CACNA2D3: variants seen among roughly 807,000 people sequenced by gnomAD.
CACNA2D3 encodes the protein voltage-dependent calcium channel subunit alpha-2/delta-3.
CACNA2D3 carries 60 observed loss-of-function variants against 160.6 expected under a neutral mutation model. The ratio of observed to expected loss-of-function variants is 0.37; its 90% CI spans 0.30 to 0.46. The LOEUF (loss-of-function observed/expected upper bound fraction) is 0.46. Ranked by LOEUF, CACNA2D3 falls within the 20% of genes least tolerant of loss-of-function variation. CACNA2D3 has a pLI of 1.00. For missense variants in CACNA2D3, 1,205 were observed against 1,365.0 expected (o/e 0.88, Z 1.85); for synonymous variants, 558 against 492.9 (o/e 1.13, Z -1.75).
intron 2 of CACNA2D3, among the ~76,000 whole-genome samples, chr3:54,234,410 G>GCTC (rs1701836159): frequency 6.6e-6 from 1 of 152,198 alleles, no homozygotes; most frequent in African/African-American, 2.4e-5. Context: ...CTGTCGATGG[G>GCTC]AGTGTAAATT....
chr3:54,302,206 T>C (rs1703492502), intron 2 of CACNA2D3, among the ~76,000 whole-genome samples: 1 of 152,200 alleles, frequency 6.6e-6, no homozygotes, highest in Non-Finnish European at 1.5e-5. Context: ...AGTCAAGGCT[T>C]CTTGCCTTAC....
intron 11 of CACNA2D3, among the ~76,000 whole-genome samples, chr3:54,676,889 A>G (rs868589772): frequency 6.6e-6 from 1 of 152,196 alleles, no homozygotes; most frequent in Admixed American, 6.5e-5. Flanking sequence ...AAAACAACTG[A>G]GGTAAAATAA....
In CACNA2D3 at chr3:54,285,710, C is replaced by T. The variant is rs145358868; in HGVS notation, c.205-34732C>T. On this transcript the variant is annotated intron_variant, in intron 2 of 37. Coordinates refer to ENST00000474759, the MANE Select transcript of CACNA2D3 (RefSeq NM_018398.3). Reference sequence around the variant, plus strand: ...GGGGCAGACAGACACATCACACGGCCGGGAACTCCTCTGAGACAAAACTTC... The same window carrying T: ...GGGGCAGACAGACACATCACACGGCTGGGAACTCCTCTGAGACAAAACTTC... Among the ~76,000 whole-genome samples the T allele has an allele frequency of 2.2e-3, 328 of 152,288 alleles. 4 individuals carry two copies. The highest frequency in any genetic ancestry group is 7.3e-3 in the African/African-American group (302 of 41,566).
At chr3:55,035,649 C>T (rs959508199) in intron 35 of CACNA2D3, among the ~76,000 whole-genome samples, 1 of 152,064 alleles carries the variant, frequency 6.6e-6, no homozygotes, top group African/African-American at 2.4e-5. Flanking sequence ...GTCATTTCTC[C>T]GTTATAAAGG....
chr3:54,501,064 G>C (rs1390042813), intron 4 of CACNA2D3, among the ~76,000 whole-genome samples: 1 of 152,082 alleles, frequency 6.6e-6, no homozygotes, highest in African/African-American at 2.4e-5. Flanking sequence ...GTAGAAGATA[G>C]AATGGAAAAA....
chr3:54,551,488 C>T (rs1490006140), intron 5 of CACNA2D3, among the ~76,000 whole-genome samples: 1 of 151,982 alleles, frequency 6.6e-6, no homozygotes, highest in East Asian at 1.9e-4. Context: ...TAAGAGTTAA[C>T]GTAAAGGGAA....
At chr3:54,208,435 C>T (rs547328259) in intron 2 of CACNA2D3, among the ~76,000 whole-genome samples, 1 of 152,322 alleles carries the variant, frequency 6.6e-6, no homozygotes, top group African/African-American at 2.4e-5. Context: ...TGTGGGTTTG[C>T]TTCAGGTACC....
intron 13 of CACNA2D3, among the ~76,000 whole-genome samples, chr3:54,799,918 C>T (rs1310137541): frequency 2.0e-5 from 3 of 152,204 alleles, no homozygotes; most frequent in African/African-American, 7.2e-5. Flanking sequence ...CTGTCCCTTT[C>T]CTCCCCTAAC....
At chr3:54,976,649 A>G (rs1702398233) in intron 29 of CACNA2D3, among the ~76,000 whole-genome samples, 1 of 152,154 alleles carries the variant, frequency 6.6e-6, no homozygotes, top group Non-Finnish European at 1.5e-5. Context: ...TATTAGTGAC[A>G]GTCATGTTTT....
chr3:55,050,896 T>G (rs200958238), intron 35 of CACNA2D3, among the ~76,000 whole-genome samples: 2 of 126,144 alleles, frequency 1.6e-5, no homozygotes, highest in Non-Finnish European at 3.4e-5. Context: ...TTGATCGCAT[T>G]GGCTCCTGAG....
At chr3:54,872,152 A>T (rs962994631) in intron 18 of CACNA2D3, among the ~76,000 whole-genome samples, 1 of 152,014 alleles carries the variant, frequency 6.6e-6, no homozygotes, top group Non-Finnish European at 1.5e-5. Flanking sequence ...CCAGCCTTTC[A>T]TTCTGCTCTG....
At chr3:55,021,430 G>A (rs1314939581) in intron 35 of CACNA2D3, among the ~76,000 whole-genome samples, 1 of 151,348 alleles carries the variant, frequency 6.6e-6, no homozygotes, top group African/African-American at 2.4e-5. Context: ...CATACTGCCA[G>A]AGATGTGTTT....
At chr3:54,360,575 G>C (rs944610247) in intron 3 of CACNA2D3, among the ~76,000 whole-genome samples, 1 of 152,078 alleles carries the variant, frequency 6.6e-6, no homozygotes, top group African/African-American at 2.4e-5. Flanking sequence ...GCTATCAATC[G>C]TTACCTTTGG....
chr3:55,000,725 G>T (rs1028230111), intron 31 of CACNA2D3, among the ~76,000 whole-genome samples: 1 of 152,152 alleles, frequency 6.6e-6, no homozygotes, highest in African/African-American at 2.4e-5. Context: ...ATGGTAAGAA[G>T]TATTCACAAG....
chr3:54,562,730 G>A (rs754832682), intron 5 of CACNA2D3, 70 bp from the exon 6 acceptor site: 95 of 1,372,192 alleles, frequency 6.9e-5, no homozygotes, highest in Middle Eastern at 3.6e-4. Flanking sequence ...GCCAAGCAGC[G>A]TGGGATGCCA....
intron 31 of CACNA2D3, among the ~76,000 whole-genome samples, chr3:55,002,175 G>C (rs200338005): frequency 6.9e-6 from 1 of 145,068 alleles, no homozygotes; most frequent in Non-Finnish European, 1.5e-5. Context: ...AAAAAAAAAA[G>C]AATGTACCCT....
intron 9 of CACNA2D3, among the ~76,000 whole-genome samples, chr3:54,618,374 T>TATATATATACACACAC: frequency 1.1e-4 from 6 of 54,550 alleles, no homozygotes; most frequent in Non-Finnish European, 1.8e-4. Flanking sequence ...TATATATATA[T>TATATATATACACACAC]GCACACACAC....
At chr3:55,038,121 T>C (rs951536767) in intron 35 of CACNA2D3, among the ~76,000 whole-genome samples, 8 of 152,204 alleles carry the variant, frequency 5.3e-5, no homozygotes, top group Admixed American at 3.3e-4. Flanking sequence ...TTTATCCAAA[T>C]AGACATGAAA....
chr3:54,859,972 G>GCGCGCACACACACACA (rs535185040), intron 17 of CACNA2D3, among the ~76,000 whole-genome samples: 96 of 133,876 alleles, frequency 7.2e-4, no homozygotes, highest in East Asian at 2.4e-3. Context: ...GAAAGTAGAT[G>GCGCGCACACACACACA]CACACACACA....
Sources: gnomAD v4.1 joint callset for allele counts (sites outside exome capture counted in the v4.1 genomes callset) on GRCh38, gnomAD v4.1.1 for gene constraint, MANE v1.5 for transcripts, NCBI Gene and HGNC (gene_info 2026-07-23, HGNC 2026-07-21) for gene names.